The following STOX2 variants were observed in gnomAD, a reference collection of about 807,000 sequenced individuals.
The protein encoded by STOX2 is storkhead-box protein 2.
Under a neutral mutation model 60.9 loss-of-function variants are expected in STOX2, and 28 were observed. That is an observed-to-expected ratio of 0.46 (90% CI 0.34 to 0.63). STOX2 has a LOEUF of 0.63. Among genes scored for constraint, STOX2 ranks in the 30% least tolerant of loss-of-function variants. The probability of loss-of-function intolerance (pLI) is 0.01; values close to 1 mark genes in which losing one functional copy is unlikely to be tolerated. For synonymous variants in STOX2, 472 were observed against 463.9 expected (o/e 1.02, Z -0.22); for missense variants, 1,024 against 1,187.7 (o/e 0.86, Z 2.03).
intron 1 of STOX2, among the ~76,000 whole-genome samples, chr4:183,854,026 C>T (rs1740229306): frequency 6.6e-6 from 1 of 152,142 alleles, no homozygotes; most frequent in Admixed American, 6.5e-5. Context: ...GTGGGATATC[C>T]CATTGTTTCA....
At chr4:183,949,072 A>G (rs555594694) in intron 1 of STOX2, among the ~76,000 whole-genome samples, 2 of 152,166 alleles carry the variant, frequency 1.3e-5, no homozygotes, top group African/African-American at 2.4e-5. Context: ...TGGCATTAAT[A>G]GTTTTCATAT....
At chr4:183,837,532 C>G (rs1053546091) in intron 1 of STOX2, among the ~76,000 whole-genome samples, 1 of 151,928 alleles carries the variant, frequency 6.6e-6, no homozygotes, top group Non-Finnish European at 1.5e-5. Context: ...AATCTTGACT[C>G]ACTGCAACTT....
chr4:183,833,458 T>A (rs1027212918), intron 1 of STOX2, among the ~76,000 whole-genome samples: 2 of 152,138 alleles, frequency 1.3e-5, no homozygotes, highest in East Asian at 3.9e-4. Context: ...TAATCTCTTC[T>A]CTATATCCCA....
intron 1 of STOX2, among the ~76,000 whole-genome samples, chr4:183,917,839 T>G (rs1036173603): frequency 4.6e-5 from 7 of 152,380 alleles, no homozygotes; most frequent in Non-Finnish European, 8.8e-5. Flanking sequence ...ACATTGGTGC[T>G]GGCACCCACT....
intron 1 of STOX2, among the ~76,000 whole-genome samples, chr4:183,835,800 G>A (rs1426751747): frequency 6.6e-6 from 1 of 152,120 alleles, no homozygotes; most frequent in Non-Finnish European, 1.5e-5. Context: ...CCAGTTTTTG[G>A]CTATTAAGAG....
chr4:183,830,294 C>T (rs1739535975), intron 1 of STOX2, among the ~76,000 whole-genome samples: 1 of 152,090 alleles, frequency 6.6e-6, no homozygotes, highest in African/African-American at 2.4e-5. Flanking sequence ...AAAAGAATTC[C>T]CCCTCATTGG....
intron 1 of STOX2, among the ~76,000 whole-genome samples, chr4:183,979,805 A>AT (rs1010598623): frequency 3.7e-4 from 57 of 152,224 alleles, no homozygotes; most frequent in African/African-American, 1.2e-3. Context: ...AGAGCTTATG[A>AT]TTTTTTAGTT....
intron 1 of STOX2, among the ~76,000 whole-genome samples, chr4:183,841,923 G>C (rs575223562): frequency 6.6e-6 from 1 of 152,292 alleles, no homozygotes; most frequent in East Asian, 1.9e-4. Flanking sequence ...AAAAAAACTT[G>C]ACTGTGGAAT....
chr4:183,820,632 T>C (rs1261074215), intron 1 of STOX2, among the ~76,000 whole-genome samples: 2 of 152,340 alleles, frequency 1.3e-5, no homozygotes, highest in South Asian at 4.1e-4. Flanking sequence ...CATAACAGTA[T>C]ATGGTTATTA....
At chr4:183,840,380 C>T (rs79776702) in intron 1 of STOX2, among the ~76,000 whole-genome samples, 1,569 of 152,294 alleles carry the variant, frequency 0.01, 18 homozygotes, top group African/African-American at 0.035. Flanking sequence ...GAGGAATTCT[C>T]TCGGTAATTT....
intron 1 of STOX2, among the ~76,000 whole-genome samples, chr4:183,934,531 C>G (rs1447303624): frequency 1.3e-5 from 2 of 152,100 alleles, no homozygotes; most frequent in African/African-American, 4.8e-5. Flanking sequence ...TTATTCTTGT[C>G]TCCTTTACTG....
At chr4:183,913,062 A>T (rs1741828206) in intron 1 of STOX2, among the ~76,000 whole-genome samples, 1 of 152,126 alleles carries the variant, frequency 6.6e-6, no homozygotes, top group Admixed American at 6.5e-5. Context: ...CCGAGAACAG[A>T]AGGACGTTGC....
At chr4:183,824,927 A>G (rs1026633768) in intron 1 of STOX2, among the ~76,000 whole-genome samples, 2 of 152,186 alleles carry the variant, frequency 1.3e-5, no homozygotes, top group Non-Finnish European at 2.9e-5. Flanking sequence ...ATAGAGTTCA[A>G]TTGTGACCCT....
intron 1 of STOX2, among the ~76,000 whole-genome samples, chr4:183,977,413 T>C (rs1225329576): frequency 6.6e-6 from 1 of 152,208 alleles, no homozygotes; most frequent in Non-Finnish European, 1.5e-5. Flanking sequence ...CACTTATAAC[T>C]GTACTATAAA....
At chr4:183,847,630 A>C (rs1740017663) in intron 1 of STOX2, among the ~76,000 whole-genome samples, 1 of 152,184 alleles carries the variant, frequency 6.6e-6, no homozygotes, top group African/African-American at 2.4e-5. Flanking sequence ...CTTCAAGACC[A>C]CAATCGAACT....
chr4:183,867,101 C>T (rs982711580), intron 1 of STOX2, among the ~76,000 whole-genome samples: 12 of 151,994 alleles, frequency 7.9e-5, no homozygotes, highest in Admixed American at 3.3e-4. Context: ...CATGTTGTTT[C>T]GGCTCTAGAG....
intron 1 of STOX2, among the ~76,000 whole-genome samples, chr4:183,891,358 TTATATATA>T (rs60300009): frequency 0.02 from 1,717 of 84,756 alleles, 20 homozygotes; most frequent in Non-Finnish European, 0.023. Flanking sequence ...ATGATGGAAT[TTATATATA>T]TATATATATA....
chr4:183,879,257 CCTT>C (rs1579366130), intron 1 of STOX2, among the ~76,000 whole-genome samples: 1 of 152,154 alleles, frequency 6.6e-6, no homozygotes, highest in South Asian at 2.1e-4. Flanking sequence ...ACCATCTCAT[CCTT>C]CTTCACCTCC....
intron 1 of STOX2, among the ~76,000 whole-genome samples, chr4:183,807,036 G>A (rs145408267): frequency 3.3e-5 from 5 of 151,940 alleles, no homozygotes; most frequent in South Asian, 4.2e-4. Context: ...GCAGTGGCGC[G>A]ATCTCGGCTC....
Sources: gnomAD v4.1 joint callset for allele counts (sites outside exome capture counted in the v4.1 genomes callset) on GRCh38, gnomAD v4.1.1 for gene constraint, MANE v1.5 for transcripts, NCBI Gene and HGNC (gene_info 2026-07-23, HGNC 2026-07-21) for gene names.